The following ACP7 variants were observed in gnomAD, a reference collection of about 807,000 sequenced individuals.
ACP7 encodes the protein acid phosphatase 7, tartrate resistant (putative).
In ACP7, 58 loss-of-function variants were observed where a neutral mutation model predicts 60.6. That is an observed-to-expected ratio of 0.96 (90% CI 0.77 to 1.19). The LOEUF is 1.19. Among genes scored for constraint, ACP7 ranks in the 50% most tolerant of loss-of-function variants. ACP7 has a pLI of 0.00. For missense variants in ACP7, 574 were observed against 596.2 expected (o/e 0.96, Z 0.39); for synonymous variants, 237 against 232.6 (o/e 1.02, Z -0.17).
intron 12 of ACP7, among the ~76,000 whole-genome samples, chr19:39,109,002 A>G (rs1217805424): frequency 6.6e-6 from 1 of 152,002 alleles, no homozygotes; most frequent in African/African-American, 2.4e-5. Flanking sequence ...TTGTATTTTT[A>G]GTAGAGATGG....
chr19:39,084,122 T>C (rs1600246381), upstream of ACP7, among the ~76,000 whole-genome samples: 1 of 151,354 alleles, frequency 6.6e-6, no homozygotes, highest in East Asian at 2.0e-4. Flanking sequence ...GGCTCAGAGG[T>C]GGCGCGCCGG....
chr19:39,084,658 T>G (rs2073120636), intron 1 of ACP7, among the ~76,000 whole-genome samples: 2 of 144,720 alleles, frequency 1.4e-5, no homozygotes, highest in East Asian at 2.0e-4. Context: ...AAGGATGGAG[T>G]AGGGAGGCGA....
chr19:39,101,607 G>A, intron 11 of ACP7, 70 bp downstream of exon 11: 1 of 1,509,438 alleles, frequency 6.6e-7, no homozygotes, highest in Non-Finnish European at 9.0e-7. Context: ...CTTTGTTCCA[G>A]ACTGAGTGCT....
chr19:39,100,807 G>A lies in ACP7; in HGVS notation c.761G>A (p.Arg254His), dbSNP rs758657182. ...GTCTATTTCTTTCTCCATTATGGCC[G>A]CCACTTGGTACAGAGGCAGTTTCGC... ...TEVYFFLHYG[R>H]HLVQRQFRWL... Residue 254 changes from arginine (R) to histidine (H), a missense_variant, in exon 7 of 13, where the codon CGC (arginine) becomes CAC (histidine). Arg to His is a conservative substitution (Grantham distance 29). Transcript: ENST00000331256. 1.4e-5 allele frequency: 23 copies of A among 1,613,746 alleles called. No homozygotes were observed. The highest frequency in any genetic ancestry group is 2.2e-5 in the South Asian group (2 of 91,084).
intron 3 of ACP7, 35 bp from the exon 4 acceptor site, chr19:39,098,925 C>T (rs375470032): frequency 6.3e-7 from 1 of 1,598,878 alleles, no homozygotes; most frequent in Non-Finnish European, 8.5e-7. Context: ...CCCGGGGCGC[C>T]CCAGCTGACT....
chr19:39,087,383 G>A (rs185281065), intron 2 of ACP7, among the ~76,000 whole-genome samples: 15 of 152,272 alleles, frequency 9.9e-5, no homozygotes, highest in Admixed American at 8.5e-4. Flanking sequence ...ATTTTAGTCT[G>A]TTGTGATTTG....
rs766258549 is a variant in ACP7, at chr19:39,085,266, C to G, written c.-4C>G. The G allele has an allele frequency of 4.3e-6, 7 of 1,611,246 alleles. No individual in the cohort carries two copies. The East Asian group carries it at 1.6e-4, about 36-fold the overall frequency. The stretch of plus-strand genomic sequence containing the variant: ...CCCCGGTCTGCCATCACCACCCCAC[C>G]ACCATGCACCCCCTTCCTGGCTACT... On this transcript the variant is annotated 5_prime_UTR_variant, in exon 2 of 13. Transcript: ENST00000331256.
At chr19:39,106,845 C>G in intron 11 of ACP7, 102 bp from the exon 12 acceptor site, 1 of 1,447,084 alleles carries the variant, frequency 6.9e-7, no homozygotes, top group Non-Finnish European at 9.4e-7. Flanking sequence ...CAAGTCTTCA[C>G]TGTCTTCCTT....
At position 39,085,112 on chromosome 19, in the gene ACP7, T is replaced by G. The variant is rs574236705; in HGVS notation, c.-158T>G. 5.7e-5 allele frequency: 54 copies of G among 940,358 alleles called. No individual in the cohort carries two copies. The highest frequency in any genetic ancestry group is 7.7e-5 in the Non-Finnish European group (50 of 648,092). The allele number at this position is 940,358 out of a possible 1,614,324, so 58.3% of individuals were successfully genotyped here. A position where few individuals can be genotyped will look rare whatever the true frequency, so the allele number is the denominator to read the frequency against. On this transcript the variant is annotated 5_prime_UTR_variant, in exon 2 of 13. Coordinates refer to ENST00000331256, the MANE Select transcript of ACP7 (RefSeq NM_001004318.3). ...TCCAGCACCTGGATAACCACCCATCTTGAAGGAGACCTCCCTGCCCTGCCT... is the reference window on the plus strand; with the variant it reads ...TCCAGCACCTGGATAACCACCCATCGTGAAGGAGACCTCCCTGCCCTGCCT...
intron 11 of ACP7, among the ~76,000 whole-genome samples, chr19:39,102,433 G>A (rs1487238150): frequency 1.3e-5 from 2 of 151,100 alleles, no homozygotes; most frequent in South Asian, 2.1e-4. Flanking sequence ...CTGGAGTTCA[G>A]TGGCATGATC....
intron 2 of ACP7, among the ~76,000 whole-genome samples, chr19:39,087,623 G>A (rs1043801798): frequency 7.6e-6 from 1 of 131,422 alleles, no homozygotes; most frequent in African/African-American, 2.7e-5. Flanking sequence ...ACCATGCCCA[G>A]CTAATTTTGT....
At chr19:39,100,672 TC>T (rs2073329354) in intron 6 of ACP7, 30 bp downstream of exon 6, 14 of 1,613,084 alleles carry the variant, frequency 8.7e-6, no homozygotes, top group Non-Finnish European at 1.2e-5. Context: ...GGACTGGCCC[TC>T]TCCCCTGAAG....
intron 2 of ACP7, among the ~76,000 whole-genome samples, chr19:39,093,173 TCCTTCCTTCC>T (rs2073227234): frequency 2.0e-4 from 24 of 119,110 alleles, no homozygotes; most frequent in African/African-American, 8.3e-4. Context: ...TTTCTTTCTC[TCCTTCCTTCC>T]TTCCTTCTTT....
Position 39,098,891 on chromosome 19 carries a change from GA to G in ACP7, c.323-67del, listed in dbSNP as rs1407011666. On this transcript the variant is annotated intron_variant, in intron 3 of 12. Transcript: ENST00000331256. The stretch of plus-strand genomic sequence containing the variant: ...CATCTCCTCCCCTCCACCAGTCGGG[GA>G]AGGATGGGGTTGGAGGGAGGGTCCC... 6.9e-6 allele frequency: 7 copies of G among 1,008,614 alleles called. No homozygotes were observed. In the African/African-American group the frequency reaches 7.6e-5, roughly 11 times the overall value. 62.5% of individuals were successfully genotyped at this position (1,008,614 alleles called of 1,614,324 possible). A position where few individuals can be genotyped will look rare whatever the true frequency, so the allele number is the denominator to read the frequency against.
intron 11 of ACP7, 41 bp downstream of exon 11, chr19:39,101,578 C>G: frequency 6.3e-7 from 1 of 1,583,662 alleles, no homozygotes; most frequent in South Asian, 1.1e-5. Context: ...TCTCTCTATT[C>G]CTATCTATGG....
chr19:39,108,296 C>T (rs1051737134), intron 12 of ACP7, among the ~76,000 whole-genome samples: 12 of 151,866 alleles, frequency 7.9e-5, no homozygotes, highest in Admixed American at 3.3e-4. Flanking sequence ...CCCACCACCA[C>T]ACCCGGCTAA....
Position 39,110,684 on chromosome 19 carries a change from C to A in ACP7, c.*566C>A, listed in dbSNP as rs761126286. The A allele has an allele frequency of 3.9e-5, 6 of 152,456 alleles. No homozygotes were observed. Among genetic ancestry groups the A allele is most frequent in the Non-Finnish European group, 7.3e-5 (5 of 68,256 alleles). 9.4% of individuals were successfully genotyped at this position (152,456 alleles called of 1,614,324 possible). On this transcript the variant is annotated 3_prime_UTR_variant, in exon 13 of 13. Coordinates refer to ENST00000331256, the MANE Select transcript of ACP7 (RefSeq NM_001004318.3). ...CATGCCTCAGTTTCCCAGCCTGGCA[C>A]CATCTTATTCGGGAAGAGGAGACGT...
At chr19:39,096,999 A>T (rs1006802724) in intron 2 of ACP7, among the ~76,000 whole-genome samples, 11 of 152,190 alleles carry the variant, frequency 7.2e-5, no homozygotes, top group African/African-American at 2.6e-4. Context: ...ATGGGGTTTC[A>T]CCATGTTGGC....
chr19:39,094,235 T>C (rs1437043941), intron 2 of ACP7, among the ~76,000 whole-genome samples: 1 of 152,064 alleles, frequency 6.6e-6, no homozygotes, highest in Admixed American at 6.6e-5. Context: ...GCGTGGTGGC[T>C]CACCCAAAGT....
Sources: gnomAD v4.1 joint callset for allele counts (sites outside exome capture counted in the v4.1 genomes callset) on GRCh38, gnomAD v4.1.1 for gene constraint, MANE v1.5 for transcripts, NCBI Gene and HGNC (gene_info 2026-07-23, HGNC 2026-07-21) for gene names.